HDGFL3: variants seen among roughly 807,000 people sequenced by gnomAD.
HDGFL3 encodes HDGF like 3, also known as hepatoma-derived growth factor-related protein 3.
Under a neutral mutation model 27.6 loss-of-function variants are expected in HDGFL3, and 6 were observed. The observed-to-expected ratio is 0.22, with a 90% CI of 0.12 to 0.43. HDGFL3 has a LOEUF of 0.43. HDGFL3 is among the 20% of genes least tolerant of loss of function. The pLI is 1.00. For synonymous variants in HDGFL3, 88 were observed against 88.9 expected, an observed-to-expected ratio of 0.99 and a Z score of 0.05; for missense variants, 207 against 250.1, an observed-to-expected ratio of 0.83 and a Z score of 1.16.
chr15:83,136,864 CAGTT>C lies in HDGFL3; in HGVS notation c.*2402_*2405del, dbSNP rs1305571598. On this transcript the variant is annotated 3_prime_UTR_variant, in exon 6 of 6. Coordinates refer to ENST00000299633, the MANE Select transcript of HDGFL3 (RefSeq NM_016073.4). ...AAGGAAAATGGAAATTCTTGAGAAA[CAGTT>C]TGTTTAAAGAAATATATTCAAAATC... The C allele has an allele frequency of 1.2e-5, 5 of 406,922 alleles. No individual in the cohort carries two copies. The highest frequency in any genetic ancestry group is 4.1e-5 in the Admixed American group (1 of 24,358). 25.2% of individuals were successfully genotyped at this position (406,922 alleles called of 1,614,324 possible).
downstream of HDGFL3, chr15:83,124,672 G>T: frequency 6.2e-7 from 1 of 1,613,398 alleles, no homozygotes; most frequent in East Asian, 2.2e-5. Flanking sequence ...TCTATTTTAG[G>T]TTATTCAAGA....
At chr15:83,122,942 G>C (rs992930374), downstream of HDGFL3, 8 of 1,586,580 alleles carry the variant, frequency 5.0e-6, no homozygotes, top group Middle Eastern at 1.7e-4. Flanking sequence ...GCATCCACTG[G>C]CCACTGAATT....
chr15:83,118,230 TACACACACAC>T (rs72160704), intron 3 of HDGFL3, among the ~76,000 whole-genome samples: 13 of 146,350 alleles, frequency 8.9e-5, no homozygotes, highest in South Asian at 4.5e-4. Context: ...TCTCTGTACG[TACACACACAC>T]ACACACACAC....
chr15:83,193,758 T>G (rs1363270014), intron 1 of HDGFL3, among the ~76,000 whole-genome samples: 1 of 152,250 alleles, frequency 6.6e-6, no homozygotes, highest in East Asian at 1.9e-4. Flanking sequence ...TAGGAATTTC[T>G]GCATAATCTG....
intron 1 of HDGFL3, chr15:83,184,757 A>C (rs952881405): frequency 6.6e-6 from 1 of 152,278 alleles, no homozygotes; most frequent in Non-Finnish European, 1.5e-5. Flanking sequence ...AGCAGGAAGA[A>C]GGCAAATGGC....
At chr15:83,180,027 T>C (rs951524563) in intron 1 of HDGFL3, among the ~76,000 whole-genome samples, 1 of 149,450 alleles carries the variant, frequency 6.7e-6, no homozygotes, top group South Asian at 2.1e-4. Context: ...CAGAGGGAGG[T>C]GGTGGGTGGA....
chr15:83,151,415 C>T (rs1050849437), intron 4 of HDGFL3, 54 bp from the exon 5 acceptor site: 2 of 1,480,354 alleles, frequency 1.4e-6, no homozygotes, highest in Non-Finnish European at 1.8e-6. Context: ...TCCAAATGTA[C>T]AAGTAAGAGA....
At chr15:83,148,139 A>ACT (rs1366251234) in intron 5 of HDGFL3, among the ~76,000 whole-genome samples, 3 of 152,188 alleles carry the variant, frequency 2.0e-5, no homozygotes, top group African/African-American at 7.2e-5. Context: ...ATCACAGGGA[A>ACT]CTCTTCCACA....
At chr15:83,122,774 A>G (rs1422827162), downstream of HDGFL3, 2 of 1,613,858 alleles carry the variant, frequency 1.2e-6, no homozygotes, top group Non-Finnish European at 1.7e-6. Flanking sequence ...TGGAACACGA[A>G]TTTGCCCTGC....
In HDGFL3 at chr15:83,136,690, C is replaced by T. The variant is rs751414730; in HGVS notation, c.*2580G>A. Reference sequence around the variant, plus strand: ...TGGAATAAAAATATTACTTCATGTTCCTCCTTTCTAAATTACTAACTTTTG... The same window carrying T: ...TGGAATAAAAATATTACTTCATGTTTCTCCTTTCTAAATTACTAACTTTTG... On this transcript the variant is annotated 3_prime_UTR_variant, in exon 6 of 6. Coordinates refer to ENST00000299633, the MANE Select transcript of HDGFL3 (RefSeq NM_016073.4). 1.3e-6 allele frequency: 2 copies of T among 1,576,788 alleles called. No individual in the cohort carries two copies. The highest frequency in any genetic ancestry group is 1.9e-5 in the Admixed American group (1 of 52,050).
At chr15:83,119,712 C>A (rs2035044573) in intron 3 of HDGFL3, 2 of 1,612,814 alleles carry the variant, frequency 1.2e-6, no homozygotes, top group South Asian at 2.2e-5. Context: ...TGTGCCTTTG[C>A]CACCTTAGCA....
At position 83,207,271 on chromosome 15, in the gene HDGFL3, G is replaced by A; in HGVS notation, c.84+60C>T. 2 of 1,149,456 alleles carry A rather than the reference G, an allele frequency of 1.7e-6. No individual in the cohort carries two copies. Among genetic ancestry groups the A allele is most frequent in the Non-Finnish European group, 1.1e-6 (1 of 882,612 alleles). 71.2% of individuals were successfully genotyped at this position (1,149,456 alleles called of 1,614,324 possible). A position where few individuals can be genotyped will look rare whatever the true frequency, so the allele number is the denominator to read the frequency against. On this transcript the variant is annotated intron_variant, in intron 1 of 5. Coordinates refer to ENST00000299633, the MANE Select transcript of HDGFL3 (RefSeq NM_016073.4). This position sits in a 1 kb window ranked among gnomAD's most constrained non-coding sequence, Gnocchi z 4.8. ...GAGGCGATGGGGAAAGGGGGCGGGC[G>A]CGCCATCATGAAGGGGAAAATGGTG...
At chr15:83,170,471 G>T (rs920193660) in intron 1 of HDGFL3, among the ~76,000 whole-genome samples, 1 of 152,148 alleles carries the variant, frequency 6.6e-6, no homozygotes. Context: ...AATGGAGAAA[G>T]AACTCCCTAT....
intron 1 of HDGFL3, among the ~76,000 whole-genome samples, chr15:83,187,089 CAT>C (rs2037452000): frequency 6.6e-6 from 1 of 151,060 alleles, no homozygotes; most frequent in African/African-American, 2.4e-5. Context: ...CTTTTCATGT[CAT>C]ATATATACAC....
intron 1 of HDGFL3, among the ~76,000 whole-genome samples, chr15:83,198,290 A>AAC (rs2037597562): frequency 6.6e-6 from 1 of 152,066 alleles, no homozygotes; most frequent in Admixed American, 6.6e-5. Context: ...CAGGACTGTT[A>AAC]ACAAATCATC....
At chr15:83,185,403 A>G (rs1314588044) in intron 1 of HDGFL3, among the ~76,000 whole-genome samples, 2 of 152,214 alleles carry the variant, frequency 1.3e-5, no homozygotes, top group Non-Finnish European at 2.9e-5. Context: ...TCTTAAGAGC[A>G]CAGAACTTTC....
chr15:83,175,625 C>T (rs765393644), intron 1 of HDGFL3, among the ~76,000 whole-genome samples: 4 of 152,142 alleles, frequency 2.6e-5, no homozygotes, highest in Non-Finnish European at 5.9e-5. Context: ...TTTGGAAGGC[C>T]GAGGTGGGTG....
chr15:83,115,038 G>A (rs1355532680), exon 4 of HDGFL3: 3 of 152,420 alleles, frequency 2.0e-5, no homozygotes, highest in African/African-American at 4.8e-5. Flanking sequence ...GATACGCCAT[G>A]TGGAATAGGG....
intron 2 of HDGFL3, among the ~76,000 whole-genome samples, chr15:83,160,631 T>A (rs1049720295): frequency 6.6e-6 from 1 of 152,166 alleles, no homozygotes; most frequent in African/African-American, 2.4e-5. Flanking sequence ...AGTGGAGATG[T>A]CAGGTAGCTG....
Sources: allele counts gnomAD v4.1 joint callset (sites outside exome capture counted in the v4.1 genomes callset), GRCh38; gene constraint gnomAD v4.1.1; non-coding constraint Gnocchi (gnomAD v3.1); transcripts MANE v1.5; gene names NCBI Gene and HGNC (gene_info 2026-07-23, HGNC 2026-07-21).